The following RNF38 variants were observed in gnomAD, a reference collection of about 807,000 sequenced individuals.
RNF38 encodes the protein E3 ubiquitin-protein ligase RNF38.
A neutral mutation model predicts 67.2 loss-of-function variants in RNF38; 15 were observed. That is an observed-to-expected ratio of 0.22 (90% CI 0.15 to 0.34). The LOEUF (loss-of-function observed/expected upper bound fraction) is 0.34. RNF38 is among the 10% of genes least tolerant of loss of function. RNF38 has a pLI of 1.00. For missense variants in RNF38, 524 were observed against 639.9 expected, an observed-to-expected ratio of 0.82 and a Z score of 1.95; for synonymous variants, 220 against 218.8, an observed-to-expected ratio of 1.01 and a Z score of -0.05.
chr9:36,406,684 C>A (rs540477990), intron 2 of RNF38, among the ~76,000 whole-genome samples: 1 of 152,288 alleles, frequency 6.6e-6, no homozygotes, highest in East Asian at 1.9e-4. Flanking sequence ...GCTGATTCTA[C>A]GTTTCTCGCT....
At chr9:36,487,434 G>A (rs1840445168) in exon 1 of RNF38, 4 of 980,966 alleles carry the variant, frequency 4.1e-6, no homozygotes, top group Non-Finnish European at 4.8e-6. Flanking sequence ...GGGGGGCGCG[G>A]GCGGCGCGGG....
chr9:36,353,291 T>C lies in RNF38; in HGVS notation c.950A>G (p.Glu317Gly). ...AGTAAAACCTCCTACTGGAAGATGT[T>C]CTCCTAAGAGTTCCACTTCATTTTC... Reference protein sequence around the residue: ...RIENEVELLGEHLPVGGFTYP... With the variant: ...RIENEVELLGGHLPVGGFTYP... Residue 317 changes from glutamate to glycine, a missense_variant, in exon 7 of 12, where the codon GAA (glutamate) becomes GGA (glycine). By Grantham distance (98) the Glu-to-Gly change is moderately conservative. This residue lies in a region of RNF38 where 461 missense variants were observed against 517.4 expected (regional missense o/e 0.89). Transcript: ENST00000259605. 6.2e-7 allele frequency: 1 copy of C among 1,612,674 alleles called. No individual in the cohort carries two copies. Among genetic ancestry groups the C allele is most frequent in the Non-Finnish European group, 8.5e-7 (1 of 1,179,524 alleles).
In RNF38 at chr9:36,337,837, C is replaced by A. The variant is rs1403655523; in HGVS notation, c.*1915G>T. ...ACTATTTAGAAGTATTTCTGATGCACTGACAACCCTAGGGGCAAACACAGT... is the reference window on the plus strand; with the variant it reads ...ACTATTTAGAAGTATTTCTGATGCAATGACAACCCTAGGGGCAAACACAGT... On this transcript the variant is annotated 3_prime_UTR_variant, in exon 12 of 12. Coordinates refer to ENST00000259605, the MANE Select transcript of RNF38 (RefSeq NM_022781.5). 1 of 152,630 alleles carries A rather than the reference C, an allele frequency of 6.6e-6. No individual in the cohort carries two copies. The highest frequency in any genetic ancestry group is 1.5e-5 in the Non-Finnish European group (1 of 68,040). 9.5% of individuals were successfully genotyped at this position (152,630 alleles called of 1,614,324 possible). A position where few individuals can be genotyped will look rare whatever the true frequency, so the allele number is the denominator to read the frequency against.
chr9:36,376,157 G>A, intron 2 of RNF38, 30 bp from the exon 3 acceptor site: 1 of 1,498,466 alleles, frequency 6.7e-7, no homozygotes, highest in East Asian at 2.4e-5. Context: ...GATCAACTGA[G>A]TAAGATCTTT....
chr9:36,400,126 CTTTA>C lies in RNF38; in HGVS notation c.-22_-19del, dbSNP rs763402063. 188 of 1,612,060 alleles carry C rather than the reference CTTTA, an allele frequency of 1.2e-4. 1 individual carries two copies. In the East Asian group the frequency reaches 3.3e-3, roughly 28 times the overall value. Reference sequence around the variant, plus strand: ...CAAGCCATACAGACGTAAACAAAAACTTTATTTCTTTTTGGACCTCAATAACCTG... The same window carrying C: ...CAAGCCATACAGACGTAAACAAAAACTTTCTTTTTGGACCTCAATAACCTG... On this transcript the variant is annotated 5_prime_UTR_variant, in exon 1 of 12. Transcript: ENST00000259605.
rs954298679 is a variant in RNF38 at position 36,338,751 on chromosome 9, T to A, written c.*1001A>T. The A allele has an allele frequency of 6.9e-6, 1 of 145,480 alleles. No individual in the cohort carries two copies. Among genetic ancestry groups the A allele is most frequent in the African/African-American group, 2.4e-5 (1 of 41,080 alleles). The allele number at this position is 145,480 out of a possible 1,614,324, so 9.0% of individuals were successfully genotyped here. The stretch of plus-strand genomic sequence containing the variant: ...TCTTCAGAATAGACTAGACTACAAA[T>A]CTAAACATTAAAAAAAATCACAGGT... On this transcript the variant is annotated 3_prime_UTR_variant, in exon 12 of 12. Transcript: ENST00000259605.
chr9:36,483,403 G>A (rs916287071), intron 1 of RNF38, among the ~76,000 whole-genome samples: 10 of 142,388 alleles, frequency 7.0e-5, no homozygotes, highest in African/African-American at 2.8e-4. Flanking sequence ...AAAGAAAAGC[G>A]TACCTGGGCA....
chr9:36,339,692 A>G lies in RNF38; in HGVS notation c.*60T>C, dbSNP rs1832700722. On this transcript the variant is annotated 3_prime_UTR_variant, in exon 12 of 12. Transcript: ENST00000259605. ...AAGCCACACAGATTAAGTTCAATGGATAGTCCGTATATACATGTGATGAGG... is the reference window on the plus strand; with the variant it reads ...AAGCCACACAGATTAAGTTCAATGGGTAGTCCGTATATACATGTGATGAGG... 7.5e-7 allele frequency: 1 copy of G among 1,341,100 alleles called. No individual in the cohort carries two copies. The highest frequency in any genetic ancestry group is 1.8e-5 in the Admixed American group (1 of 55,432). The allele number at this position is 1,341,100 out of a possible 1,614,324, so 83.1% of individuals were successfully genotyped here.
At chr9:36,380,519 G>A (rs183338780) in intron 2 of RNF38, among the ~76,000 whole-genome samples, 7 of 150,636 alleles carry the variant, frequency 4.6e-5, no homozygotes, top group Admixed American at 4.6e-4. Flanking sequence ...TTTAAAGACA[G>A]TCTCACTCTG....
intron 2 of RNF38, among the ~76,000 whole-genome samples, chr9:36,382,998 C>G (rs1362527401): frequency 6.6e-6 from 1 of 152,128 alleles, no homozygotes; most frequent in Non-Finnish European, 1.5e-5. Context: ...AATCAACACT[C>G]TATATAAGCA....
chr9:36,357,670 G>A (rs1177773128), intron 5 of RNF38, 105 bp downstream of exon 5: 1 of 749,940 alleles, frequency 1.3e-6, no homozygotes, highest in African/African-American at 1.7e-5. Flanking sequence ...CTTATATAAT[G>A]CAGTTAGCCC....
chr9:36,393,473 CACATT>C lies in RNF38; in HGVS notation c.13-2862_13-2858del, dbSNP rs1278166109. Among the ~76,000 whole-genome samples the C allele has an allele frequency of 3.0e-4, 23 of 75,950 alleles. 1 individual carries two copies. The East Asian group carries it at 5.5e-3, about 18-fold the overall frequency. 49.8% of individuals were successfully genotyped at this position (75,950 alleles called of 152,430 possible). On this transcript the variant is annotated intron_variant, in intron 1 of 11. Transcript: ENST00000259605. ...ACTAGGTAAAATAAAATCACACACA[CACATT>C]GTGTGTGTGTGTGTGTGTGTGTGTG...
upstream of RNF38, chr9:36,400,679 A>G: frequency 1.0e-6 from 1 of 984,006 alleles, no homozygotes; most frequent in Non-Finnish European, 1.2e-6. Flanking sequence ...GGGCCTCCTC[A>G]CCCCCGGAAC....
intron 4 of RNF38, among the ~76,000 whole-genome samples, chr9:36,361,984 A>G (rs1235666314): frequency 1.3e-5 from 2 of 152,212 alleles, no homozygotes; most frequent in African/African-American, 4.8e-5. Context: ...GCTGACACCA[A>G]GATTAAGATG....
intron 1 of RNF38, among the ~76,000 whole-genome samples, chr9:36,450,465 T>C (rs1427176234): frequency 6.6e-6 from 1 of 152,030 alleles, no homozygotes. Context: ...AATTTCTACA[T>C]GTTTTAATTT....
Position 36,369,741 on chromosome 9 carries a change from A to C in RNF38, c.548T>G (p.Val183Gly). ...TACCTGATCATGTATGTCAACCATG[A>C]CTGCATTCTGCTGGGGTGGATGAGC... is the stretch of plus-strand genomic sequence containing the variant. Reference protein sequence around the residue: ...PAAHPPQQNAVMVDIHDQLHQ... With the variant: ...PAAHPPQQNAGMVDIHDQLHQ... The change falls in exon 4 of 12, where the codon GTC becomes GGC. Residue 183 changes from valine (V) to glycine (G), a missense_variant. This residue lies in a region of RNF38 where 461 missense variants were observed against 517.4 expected (regional missense o/e 0.89). Coordinates refer to ENST00000259605, the MANE Select transcript of RNF38 (RefSeq NM_022781.5). 1 of 1,613,498 alleles carries C rather than the reference A, an allele frequency of 6.2e-7. No homozygotes were observed. The highest frequency in any genetic ancestry group is 8.5e-7 in the Non-Finnish European group (1 of 1,179,746).
intron 2 of RNF38, among the ~76,000 whole-genome samples, chr9:36,378,169 CT>C (rs35057784): frequency 0.029 from 3,337 of 114,898 alleles, 33 homozygotes; most frequent in African/African-American, 0.062. Flanking sequence ...TTAACACTGA[CT>C]TTTTTTTTTT....
chr9:36,457,953 C>A (rs1191329752), intron 1 of RNF38, among the ~76,000 whole-genome samples: 1 of 152,102 alleles, frequency 6.6e-6, no homozygotes, highest in Admixed American at 6.6e-5. Context: ...TGAGAAGAGC[C>A]CTAGCTTTTA....
chr9:36,400,902 C>CCGCCCCGCCG (rs1268154856), upstream of RNF38: 1,155 of 932,698 alleles, frequency 1.2e-3, 4 homozygotes, highest in South Asian at 4.2e-3. Context: ...ACGCCCCTCC[C>CCGCCCCGCCG]CGCCCCGCCG....
Sources: allele counts gnomAD v4.1 joint callset (sites outside exome capture counted in the v4.1 genomes callset), GRCh38; gene constraint gnomAD v4.1.1; regional missense constraint gnomAD v4.1.1; transcripts MANE v1.5; gene names NCBI Gene and HGNC (gene_info 2026-07-23, HGNC 2026-07-21).